The following DLGAP2 variants were observed in gnomAD, a reference collection of about 807,000 sequenced individuals.
DLGAP2 encodes the protein disks large-associated protein 2.
In DLGAP2, 26 loss-of-function variants were observed where a neutral mutation model predicts 100.3. That is an observed-to-expected ratio of 0.26 (90% confidence interval 0.19 to 0.36). The LOEUF is 0.36. DLGAP2 is among the 10% of genes least tolerant of loss of function. The pLI is 1.00. For missense variants in DLGAP2, 1,858 were observed against 1,453.2 expected (o/e 1.28, Z -4.53); for synonymous variants, 886 against 630.1 (o/e 1.41, Z -6.08).
At chr8:1,151,020 A>G (rs758699289) in intron 2 of DLGAP2, among the ~76,000 whole-genome samples, 4 of 152,192 alleles carry the variant, frequency 2.6e-5, no homozygotes, top group Non-Finnish European at 5.9e-5. Context: ...TGTAATCGTT[A>G]TGCTTTGTTT....
intron 5 of DLGAP2, among the ~76,000 whole-genome samples, chr8:1,552,173 C>T (rs551774883): frequency 1.4e-4 from 21 of 152,340 alleles, no homozygotes; most frequent in Admixed American, 6.5e-4. Flanking sequence ...TCAGATGACA[C>T]ATCCTCGGAA....
Position 1,222,152 on chromosome 8 carries a change from C to G in DLGAP2, c.74-36699C>G, listed in dbSNP as rs532013479. Among the ~76,000 whole-genome samples the G allele has an allele frequency of 1.5e-3, 226 of 152,332 alleles. 1 individual carries two copies. The highest frequency in any genetic ancestry group is 2.7e-3 in the Non-Finnish European group (187 of 68,040). On this transcript the variant is annotated intron_variant, in intron 2 of 14. Coordinates refer to ENST00000637795, the MANE Select transcript of DLGAP2 (RefSeq NM_001346810.2). The stretch of plus-strand genomic sequence containing the variant: ...GCAGTCATTTGGTTGTAAGAAGACA[C>G]ACTGGCTTTTAGAGTTACCAGAGTT...
chr8:1,185,066 G>T lies in DLGAP2; in HGVS notation c.74-73785G>T, dbSNP rs542335767. On this transcript the variant is annotated intron_variant, in intron 2 of 14. Coordinates refer to ENST00000637795, the MANE Select transcript of DLGAP2 (RefSeq NM_001346810.2). ...AGTGACTCGTTTCCCAGGAAAGGTC[G>T]GGCGAGGGTTCTGCGTCTTGCGGCC... Among the ~76,000 whole-genome samples the T allele has an allele frequency of 5.9e-5, 9 of 152,122 alleles. No homozygotes were observed. In the East Asian group the frequency reaches 7.7e-4, roughly 13 times the overall value.
intron 2 of DLGAP2, among the ~76,000 whole-genome samples, chr8:1,045,149 C>T (rs904971295): frequency 2.6e-5 from 4 of 152,236 alleles, no homozygotes; most frequent in Admixed American, 6.5e-5. Flanking sequence ...TCTAGACTTC[C>T]CTGCAATGTC....
At chr8:1,215,318 C>T (rs1489195937) in intron 2 of DLGAP2, among the ~76,000 whole-genome samples, 2 of 152,252 alleles carry the variant, frequency 1.3e-5, no homozygotes, top group Non-Finnish European at 2.9e-5. Flanking sequence ...TGAGCATGAT[C>T]ATGCGAGGCT....
intron 3 of DLGAP2, among the ~76,000 whole-genome samples, chr8:1,316,843 G>T (rs1163463323): frequency 7.0e-6 from 1 of 143,304 alleles, no homozygotes; most frequent in South Asian, 2.2e-4. Context: ...CGAGTGCAGC[G>T]TCTCTCCCAC....
At chr8:1,458,674 G>A (rs961102709) in intron 3 of DLGAP2, among the ~76,000 whole-genome samples, 5 of 152,212 alleles carry the variant, frequency 3.3e-5, no homozygotes, top group Admixed American at 1.3e-4. Flanking sequence ...GCTTCAGGTT[G>A]CAGGACAGGG....
intron 2 of DLGAP2, among the ~76,000 whole-genome samples, chr8:1,245,090 A>G (rs967771499): frequency 6.6e-6 from 1 of 152,202 alleles, no homozygotes; most frequent in African/African-American, 2.4e-5. Flanking sequence ...GAGACAGACA[A>G]TCGTAAGTGC....
chr8:1,584,808 C>A (rs897088483), intron 6 of DLGAP2, among the ~76,000 whole-genome samples: 2 of 152,150 alleles, frequency 1.3e-5, no homozygotes, highest in Non-Finnish European at 2.9e-5. Flanking sequence ...TATCCATCCA[C>A]CTGTTTCGTG....
intron 1 of DLGAP2, among the ~76,000 whole-genome samples, chr8:832,487 C>T (rs1354243823): frequency 6.6e-6 from 1 of 152,156 alleles, no homozygotes; most frequent in Non-Finnish European, 1.5e-5. Context: ...TTAGGTGTAT[C>T]TGTAAGTCAA....
chr8:1,171,193 T>A (rs1319311953), intron 2 of DLGAP2, among the ~76,000 whole-genome samples: 1 of 152,220 alleles, frequency 6.6e-6, no homozygotes, highest in East Asian at 1.9e-4. Context: ...TGAGCGGTTT[T>A]GAGTGAGTTT....
intron 1 of DLGAP2, among the ~76,000 whole-genome samples, chr8:830,345 A>T (rs1209470821): frequency 6.6e-6 from 1 of 152,194 alleles, no homozygotes; most frequent in Admixed American, 6.5e-5. Context: ...ATGTACAATT[A>T]CATTATTAAA....
At chr8:963,883 T>C (rs1799785200) in intron 2 of DLGAP2, among the ~76,000 whole-genome samples, 1 of 152,186 alleles carries the variant, frequency 6.6e-6, no homozygotes, top group African/African-American at 2.4e-5. Flanking sequence ...TTAATACAAG[T>C]GTAAAGCCAA....
intron 2 of DLGAP2, among the ~76,000 whole-genome samples, chr8:912,332 G>A (rs912601418): frequency 2.6e-5 from 4 of 152,190 alleles, no homozygotes; most frequent in East Asian, 1.9e-4. Context: ...AAGGTTTCAC[G>A]TGACTTCCCT....
chr8:1,496,094 T>G (rs1245456338), intron 3 of DLGAP2, among the ~76,000 whole-genome samples: 1 of 152,154 alleles, frequency 6.6e-6, no homozygotes, highest in Non-Finnish European at 1.5e-5. Flanking sequence ...TCCCTGAAAG[T>G]CAGGTTTCTT....
intron 3 of DLGAP2, among the ~76,000 whole-genome samples, chr8:1,412,946 A>G (rs941347322): frequency 1.3e-5 from 2 of 152,008 alleles, no homozygotes; most frequent in African/African-American, 2.4e-5. Context: ...TTCAATACCC[A>G]GCTCAAGTGT....
At chr8:1,564,246 C>T (rs1350445542) in intron 5 of DLGAP2, among the ~76,000 whole-genome samples, 1 of 152,190 alleles carries the variant, frequency 6.6e-6, no homozygotes, top group Admixed American at 6.5e-5. Context: ...AGGTCCTGAC[C>T]TGCAGGGAGC....
At chr8:1,261,923 G>A (rs1014790647) in intron 3 of DLGAP2, among the ~76,000 whole-genome samples, 2 of 152,200 alleles carry the variant, frequency 1.3e-5, no homozygotes, top group Non-Finnish European at 2.9e-5. Flanking sequence ...TGGTGGCAGC[G>A]TGTGCGGCTC....
At chr8:1,150,883 A>G (rs941355900) in intron 2 of DLGAP2, among the ~76,000 whole-genome samples, 6 of 152,246 alleles carry the variant, frequency 3.9e-5, no homozygotes, top group Non-Finnish European at 8.8e-5. Context: ...TTCTGACTTT[A>G]AAAATAAGAC....
Sources: gnomAD v4.1 joint callset for allele counts (sites outside exome capture counted in the v4.1 genomes callset) on GRCh38, gnomAD v4.1.1 for gene constraint, MANE v1.5 for transcripts, NCBI Gene and HGNC (gene_info 2026-07-23, HGNC 2026-07-21) for gene names.